The following TSPEAR variants were observed in gnomAD, a reference collection of about 807,000 sequenced individuals.
TSPEAR encodes the protein thrombospondin type laminin G domain and EAR repeats.
A neutral mutation model predicts 71.6 loss-of-function variants in TSPEAR; 69 were observed. That is an observed-to-expected ratio of 0.96 (90% CI 0.79 to 1.18). The LOEUF (loss-of-function observed/expected upper bound fraction) is 1.18, where lower values mean the gene tolerates loss of function less well. Among genes scored for constraint, TSPEAR ranks in the 50% most tolerant of loss-of-function variants. The pLI, the probability that TSPEAR is intolerant of heterozygous loss-of-function variation, is 0.00. For synonymous variants in TSPEAR, 402 were observed against 387.2 expected (o/e 1.04, Z -0.45); for missense variants, 971 against 894.9 (o/e 1.09, Z -1.09).
At position 44,612,801 on chromosome 21, in the gene TSPEAR, C is replaced by T; in HGVS notation, c.83-44796G>A. On this transcript the variant is annotated intron_variant, in intron 1 of 11. Transcript: ENST00000323084. This position sits in a 1 kb window ranked among gnomAD's most constrained non-coding sequence, Gnocchi z 4.1. ...CCCTCCTGTTGTGTCCCTGCCTCCTCCTGCCAGCCCAGCTGCTGCCACCCG... is the reference window on the plus strand; with the variant it reads ...CCCTCCTGTTGTGTCCCTGCCTCCTTCTGCCAGCCCAGCTGCTGCCACCCG... 6.2e-7 allele frequency: 1 copy of T among 1,613,444 alleles called. No individual in the cohort carries two copies.
At chr21:44,685,759 A>G (rs1279267274) in intron 1 of TSPEAR, among the ~76,000 whole-genome samples, 1 of 152,200 alleles carries the variant, frequency 6.6e-6, no homozygotes, top group Non-Finnish European at 1.5e-5. Context: ...CACAGTGGTA[A>G]TGACCATGGA....
At chr21:44,647,987 G>T (rs115166108) in intron 1 of TSPEAR, among the ~76,000 whole-genome samples, 1 of 152,184 alleles carries the variant, frequency 6.6e-6, no homozygotes, top group Non-Finnish European at 1.5e-5. Flanking sequence ...CAGAAATCCC[G>T]TTCAGTTGGG....
intron 11 of TSPEAR, among the ~76,000 whole-genome samples, chr21:44,503,930 C>T (rs374222607): frequency 5.8e-5 from 8 of 138,838 alleles, no homozygotes; most frequent in South Asian, 2.3e-4. Context: ...GGTGAGCCCT[C>T]GGCGGGAAGC....
At chr21:44,682,284 A>C in intron 1 of TSPEAR, 1 of 821,396 alleles carries the variant, frequency 1.2e-6, no homozygotes, top group East Asian at 2.7e-5. Context: ...CCTGGAACTC[A>C]GTTTTCTGTC....
chr21:44,706,128 G>T (rs961214211), intron 1 of TSPEAR, among the ~76,000 whole-genome samples: 101 of 152,336 alleles, frequency 6.6e-4, no homozygotes, highest in African/African-American at 2.3e-3. Flanking sequence ...GCGAGCACAG[G>T]TCCCCCCAGA....
intron 1 of TSPEAR, among the ~76,000 whole-genome samples, chr21:44,584,444 A>T (rs1347253550): frequency 6.6e-6 from 1 of 152,228 alleles, no homozygotes; most frequent in African/African-American, 2.4e-5. Context: ...TGTCTTGTAT[A>T]TACAAGATTG....
intron 8 of TSPEAR, among the ~76,000 whole-genome samples, chr21:44,525,093 A>T (rs1459184499): frequency 1.3e-5 from 2 of 151,774 alleles, no homozygotes; most frequent in Non-Finnish European, 2.9e-5. Flanking sequence ...TCAGCTAGTC[A>T]TTCAGGTTGT....
chr21:44,586,909 A>G (rs587734812), intron 1 of TSPEAR, among the ~76,000 whole-genome samples: 3 of 152,352 alleles, frequency 2.0e-5, no homozygotes, highest in East Asian at 1.9e-4. Flanking sequence ...AAAGCCATCT[A>G]TGACAAACCC....
Position 44,646,474 on chromosome 21 carries a change from A to G in TSPEAR, c.82+64959T>C, listed in dbSNP as rs1601524722. 1.2e-6 allele frequency: 2 copies of G among 1,605,118 alleles called. No individual in the cohort carries two copies. The highest frequency in any genetic ancestry group is 1.7e-6 in the Non-Finnish European group (2 of 1,176,030). Reference sequence around the variant, plus strand: ...CCACCCCAGCATGGCCGCGTCCACCATGTCTGTCTGCTCCAGCGCTTACTC... The same window carrying G: ...CCACCCCAGCATGGCCGCGTCCACCGTGTCTGTCTGCTCCAGCGCTTACTC... On this transcript the variant is annotated intron_variant, in intron 1 of 11. Coordinates refer to ENST00000323084, the MANE Select transcript of TSPEAR (RefSeq NM_144991.3).
In TSPEAR at chr21:44,612,113, T is replaced by G; in HGVS notation, c.83-44108A>C. 6.2e-7 allele frequency: 1 copy of G among 1,613,454 alleles called. No individual in the cohort carries two copies. The highest frequency in any genetic ancestry group is 8.5e-7 in the Non-Finnish European group (1 of 1,179,770). ...TCCAGCACCCACCATGGCTGACGCC[T>G]GCTGCACCAGGACGTATGTGATTGC... On this transcript the variant is annotated intron_variant, in intron 1 of 11. Coordinates refer to ENST00000323084, the MANE Select transcript of TSPEAR (RefSeq NM_144991.3). The surrounding 1 kb of genome is among the most constrained non-coding windows in gnomAD (Gnocchi z 4.1).
chr21:44,661,029 C>T (rs895296416), intron 1 of TSPEAR, among the ~76,000 whole-genome samples: 3 of 150,656 alleles, frequency 2.0e-5, no homozygotes, highest in African/African-American at 4.9e-5. Flanking sequence ...CGGTGGCTCA[C>T]GCCTGTAATC....
chr21:44,558,098 G>C, intron 2 of TSPEAR: 2 of 1,609,588 alleles, frequency 1.2e-6, no homozygotes, highest in Non-Finnish European at 1.7e-6. Flanking sequence ...ACGCGGAAGA[G>C]AGGCGGGAGC....
chr21:44,705,080 G>A (rs1331804490), intron 1 of TSPEAR, among the ~76,000 whole-genome samples: 1 of 152,214 alleles, frequency 6.6e-6, no homozygotes, highest in Non-Finnish European at 1.5e-5. Context: ...GCAGAAGAAC[G>A]TGGATTGTGA....
At chr21:44,505,440 G>A (rs971407366) in intron 10 of TSPEAR, among the ~76,000 whole-genome samples, 3 of 151,530 alleles carry the variant, frequency 2.0e-5, no homozygotes, top group Admixed American at 1.3e-4. Flanking sequence ...ACCATCTTTA[G>A]GTGCACAGAT....
chr21:44,574,666 G>A, intron 1 of TSPEAR: 2 of 1,603,172 alleles, frequency 1.2e-6, no homozygotes, highest in Non-Finnish European at 1.7e-6. Context: ...CAGTCTAGCT[G>A]CCAGCCAGCT....
chr21:44,514,886 G>A (rs1555913163), intron 9 of TSPEAR, among the ~76,000 whole-genome samples: 2 of 152,128 alleles, frequency 1.3e-5, no homozygotes, highest in African/African-American at 4.8e-5. Context: ...TATCTGCCCT[G>A]GGGCTGCAAA....
intron 1 of TSPEAR, among the ~76,000 whole-genome samples, chr21:44,608,190 C>T (rs946398740): frequency 2.0e-5 from 3 of 152,136 alleles, no homozygotes; most frequent in African/African-American, 7.2e-5. Flanking sequence ...TAAATAGGTA[C>T]CTTTTACAGC....
At chr21:44,665,790 C>T (rs2329839) in intron 1 of TSPEAR, among the ~76,000 whole-genome samples, 108,838 of 152,048 alleles carry the variant, frequency 0.72, 39,409 homozygotes, top group African/African-American at 0.82. Context: ...GAGTGTGTGC[C>T]GCAGAACTAA....
intron 1 of TSPEAR, among the ~76,000 whole-genome samples, chr21:44,590,952 G>GC (rs1979759696): frequency 6.6e-6 from 1 of 152,060 alleles, no homozygotes; most frequent in Admixed American, 6.5e-5. Flanking sequence ...CTCATCCCAT[G>GC]CCCCTCGGGG....
Sources: allele counts gnomAD v4.1 joint callset (sites outside exome capture counted in the v4.1 genomes callset), GRCh38; gene constraint gnomAD v4.1.1; non-coding constraint Gnocchi (gnomAD v3.1); transcripts MANE v1.5; gene names NCBI Gene and HGNC (gene_info 2026-07-23, HGNC 2026-07-21).